Variants in KRT82 observed in about 807,000 individuals in gnomAD.
KRT82 encodes the protein keratin, type II cuticular Hb2.
In KRT82, 44 loss-of-function variants were observed where a neutral mutation model predicts 48.0. That is an observed-to-expected ratio of 0.92 (90% CI 0.72 to 1.18). The LOEUF (loss-of-function observed/expected upper bound fraction) is 1.18, where lower values mean the gene tolerates loss of function less well. Among genes scored for constraint, KRT82 ranks in the 50% most tolerant of loss-of-function variants. KRT82 has a pLI of 0.00. For synonymous variants in KRT82, 297 were observed against 278.3 expected (o/e 1.07, Z -0.67); for missense variants, 701 against 671.4 (o/e 1.04, Z -0.49).
rs559660832 is a variant in KRT82 at position 52,401,231 on chromosome 12, T to A, written c.681+58A>T. On this transcript the variant is annotated intron_variant, in intron 3 of 8. Transcript: ENST00000257974. ...CGTTTGGACTGAGTTCAGGGCTAGG[T>A]GGCCTGGGGCAACGCAGGCCAGCTC... 1.1e-5 allele frequency: 16 copies of A among 1,465,022 alleles called. No homozygotes were observed. The Admixed American group carries it at 2.7e-4, about 25-fold the overall frequency. 90.8% of individuals were successfully genotyped at this position (1,465,022 alleles called of 1,614,324 possible).
rs368220321 is a variant in KRT82 at position 52,401,364 on chromosome 12, A to G, written c.621-15T>C. On this transcript the variant is annotated splice_polypyrimidine_tract_variant and intron_variant, in intron 2 of 8. Transcript: ENST00000257974. ...CCTCTTCGTATCTGATGGAAAAGGC[A>G]GGAAAAAATGCTTTAGTCGGGCTTG... 7 of 1,613,656 alleles carry G rather than the reference A, an allele frequency of 4.3e-6. No individual in the cohort carries two copies. The African/African-American group carries it at 5.3e-5, about 12-fold the overall frequency.
chr12:52,395,627 A>C, intron 8 of KRT82, 132 bp downstream of exon 8: 1 of 665,530 alleles, frequency 1.5e-6, no homozygotes, highest in South Asian at 2.0e-5. Context: ...CTGGGAGCTC[A>C]CGGCAGACAG....
chr12:52,394,844 A>G lies in KRT82; in HGVS notation c.*131T>C, dbSNP rs551549739. Reference sequence around the variant, plus strand: ...GGGCAGCTCAGCTCTCAAGGAGGGAACACTGGAGGGGAATGTGGAGTCAAT... The same window carrying G: ...GGGCAGCTCAGCTCTCAAGGAGGGAGCACTGGAGGGGAATGTGGAGTCAAT... On this transcript the variant is annotated 3_prime_UTR_variant, in exon 9 of 9. Transcript: ENST00000257974. The G allele has an allele frequency of 2.6e-6, 2 of 767,882 alleles. No individual in the cohort carries two copies. Among genetic ancestry groups the G allele is most frequent in the East Asian group, 2.6e-5 (1 of 38,040 alleles). 47.6% of individuals were successfully genotyped at this position (767,882 alleles called of 1,614,324 possible).
At chr12:52,398,510 C>A (rs1444815246) in intron 5 of KRT82, among the ~76,000 whole-genome samples, 1 of 149,576 alleles carries the variant, frequency 6.7e-6, no homozygotes, top group Non-Finnish European at 1.5e-5. Context: ...AATTTCTGAT[C>A]CTGGTAGCCA....
intron 5 of KRT82, among the ~76,000 whole-genome samples, chr12:52,398,635 C>T (rs929826857): frequency 6.6e-6 from 1 of 152,082 alleles, no homozygotes; most frequent in African/African-American, 2.4e-5. Context: ...CAGGGGCAAC[C>T]AGAGGAAGGG....
intron 5 of KRT82, among the ~76,000 whole-genome samples, chr12:52,397,404 G>T (rs1939730254): frequency 6.6e-6 from 1 of 152,156 alleles, no homozygotes; most frequent in South Asian, 2.1e-4. Context: ...ACAGACCAAG[G>T]ACTGCCCATT....
rs536478336 is a variant in KRT82 at position 52,406,165 on chromosome 12, C to T, written c.113G>A (p.Cys38Tyr). ...GAGGCCCCTACCACCCCCGGGCCGG[C>T]ATGGCCCCTTGCTCACTGCATAGTG... ...VTHYAVSKGP[C>Y]RPGGGRGLRA... Residue 38 changes from cysteine to tyrosine, a missense_variant, in exon 1 of 9, where the codon TGC becomes TAC. Physicochemically the swap from Cys to Tyr is radical, Grantham distance 194. Coordinates refer to ENST00000257974, the MANE Select transcript of KRT82 (RefSeq NM_033033.4). 3.1e-6 allele frequency: 5 copies of T among 1,613,376 alleles called. No homozygotes were observed. In the South Asian group the frequency reaches 5.5e-5, roughly 18 times the overall value.
At chr12:52,404,047 C>T (rs898638158) in intron 1 of KRT82, 138 bp from the exon 2 acceptor site, 1 of 703,734 alleles carries the variant, frequency 1.4e-6, no homozygotes, top group Admixed American at 2.6e-5. Flanking sequence ...ATCAGGGTCT[C>T]TGCATAGACT....
rs1352937383 is a variant in KRT82, at chr12:52,394,061, ACCT to A, written c.*911_*913del. 1 of 152,046 alleles carries A rather than the reference ACCT, an allele frequency of 6.6e-6. No individual in the cohort carries two copies. Among genetic ancestry groups the A allele is most frequent in the East Asian group, 1.9e-4 (1 of 5,180 alleles). The allele number at this position is 152,046 out of a possible 1,614,324, so 9.4% of individuals were successfully genotyped here. On this transcript the variant is annotated 3_prime_UTR_variant, in exon 9 of 9. Transcript: ENST00000257974. Reference sequence around the variant, plus strand: ...GGCTTCTGGGAGGTAGTCAGCCCACACCTCCTCCATCTATGAGCTCCTGAGCCA... The same window carrying A: ...GGCTTCTGGGAGGTAGTCAGCCCACACCTCCATCTATGAGCTCCTGAGCCA...
intron 2 of KRT82, among the ~76,000 whole-genome samples, chr12:52,403,268 A>T (rs555212334): frequency 7.9e-5 from 12 of 152,280 alleles, no homozygotes; most frequent in African/African-American, 2.6e-4. Context: ...GGTAGCTTGG[A>T]CATGGAGCAG....
At chr12:52,405,799 A>G in intron 1 of KRT82, 68 bp downstream of exon 1, 1 of 1,491,144 alleles carries the variant, frequency 6.7e-7, no homozygotes, top group Non-Finnish European at 9.0e-7. Context: ...GTTCCCTTGG[A>G]CCAGAACAAG....
chr12:52,405,714 C>G (rs1211057839), intron 1 of KRT82, among the ~76,000 whole-genome samples, 153 bp downstream of exon 1: 1 of 152,228 alleles, frequency 6.6e-6, no homozygotes, highest in Admixed American at 6.5e-5. Flanking sequence ...AACTGGCTTT[C>G]AAAGGCTGGT....
Position 52,400,146 on chromosome 12 carries a change from T to C in KRT82, c.781A>G (p.Ile261Val). Residue 261 changes from isoleucine (I) to valine (V), a missense_variant, in exon 5 of 9, where the codon ATC (isoleucine) becomes GTC (valine). Transcript: ENST00000257974. ...GAGATCTGAGACTGGAGCAGGCAGA[T>C]CTCCTGGGGGCAGGGCCCATGTGAG... ...DFLKSLYEEE[I>V]CLLQSQISET... is the part of the protein sequence containing the mutation. 1 of 1,612,860 alleles carries C rather than the reference T, an allele frequency of 6.2e-7. No homozygotes were observed. Among genetic ancestry groups the C allele is most frequent in the Non-Finnish European group, 8.5e-7 (1 of 1,179,088 alleles).
Position 52,400,418 on chromosome 12 carries a change from C to T in KRT82, c.777+109G>A, listed in dbSNP as rs545222901. 148 of 874,410 alleles carry T rather than the reference C, an allele frequency of 1.7e-4. 1 individual carries two copies. The African/African-American group carries it at 1.9e-3, about 12-fold the overall frequency. The allele number at this position is 874,410 out of a possible 1,614,324, so 54.2% of individuals were successfully genotyped here. On this transcript the variant is annotated intron_variant, in intron 4 of 8. Coordinates refer to ENST00000257974, the MANE Select transcript of KRT82 (RefSeq NM_033033.4). ...CTGAGAACGTCTCTACAGTGCGGAC[C>T]TCTTTCCATGCTTGCCCTGAAATGT... is the stretch of plus-strand genomic sequence containing the variant.
rs1565782445 is a variant in KRT82 at position 52,400,570 on chromosome 12, GC to G, written c.733del (p.Ala245HisfsTer9). ...MKADLETNAE[A>X]LVQEIDFLKS... ...CAGGAAGTCGATCTCCTGCACGAGTGCCTCTGCGTTGGTCTCCAGGTCAGCC... is the reference window on the plus strand; with the variant it reads ...CAGGAAGTCGATCTCCTGCACGAGTGCTCTGCGTTGGTCTCCAGGTCAGCC... On this transcript the variant is annotated frameshift_variant, in exon 4 of 9. Transcript: ENST00000257974. LOFTEE classifies it high-confidence loss of function. 2.5e-6 allele frequency: 4 copies of G among 1,614,090 alleles called. No individual in the cohort carries two copies. The highest frequency in any genetic ancestry group is 3.4e-6 in the Non-Finnish European group (4 of 1,179,942).
rs372445184 is a variant in KRT82 at position 52,396,232 on chromosome 12, G to A, written c.1069C>T (p.Arg357Cys). The A allele has an allele frequency of 2.2e-5, 35 of 1,610,788 alleles. No homozygotes were observed. Among genetic ancestry groups the A allele is most frequent in the East Asian group, 6.7e-5 (3 of 44,870 alleles). Residue 357 changes from arginine (R) to cysteine (C), a missense_variant and splice_region_variant, in exon 7 of 9, where the codon CGC (arginine) becomes TGC (cysteine). Arg to Cys is a radical substitution (Grantham distance 180). Coordinates refer to ENST00000257974, the MANE Select transcript of KRT82 (RefSeq NM_033033.4). The stretch of plus-strand genomic sequence containing the variant: ...GCTATGGCACCCTCAAGTTTGCAGC[G>A]CTGTGGGAGGGGCGCAGAAAAGCAT... ...QQETENVKAQ[R>C]CKLEGAIAEA...
chr12:52,400,099 C>T lies in KRT82; in HGVS notation c.828G>A (p.Lys276=). Residue 276 remains lysine, a synonymous_variant, in exon 5 of 9, where the codon AAG becomes AAA. Transcript: ENST00000257974. Reference sequence around the variant, plus strand: ...CGTCCAGCTCCCGGCTGTTGTCCATCTTCACAATGACCGAGGTCTCAGAGA... The same window carrying T: ...CGTCCAGCTCCCGGCTGTTGTCCATTTTCACAATGACCGAGGTCTCAGAGA... ...SQISETSVIV[K]MDNSRELDVD... is the part of the protein sequence containing the mutation. 6.2e-7 allele frequency: 1 copy of T among 1,614,154 alleles called. No homozygotes were observed. The highest frequency in any genetic ancestry group is 2.2e-5 in the East Asian group (1 of 44,882).
intron 4 of KRT82, 102 bp from the exon 5 acceptor site, chr12:52,400,251 A>G: frequency 8.4e-7 from 1 of 1,189,818 alleles, no homozygotes; most frequent in East Asian, 2.4e-5. Flanking sequence ...AGTGCATAGA[A>G]CTCTGCTATG....
At position 52,406,153 on chromosome 12, in the gene KRT82, C is replaced by A. The variant is rs762510631; in HGVS notation, c.125G>T (p.Gly42Val). The change falls in exon 1 of 9, where the codon GGT becomes GTT. Residue 42 changes from glycine to valine, a missense_variant. Transcript: ENST00000257974. ...GCCCAGAGCTCGGAGGCCCCTACCA[C>A]CCCCGGGCCGGCATGGCCCCTTGCT... Reference protein sequence around the residue: ...AVSKGPCRPGGGRGLRALGCL... With the variant: ...AVSKGPCRPGVGRGLRALGCL... The A allele has an allele frequency of 1.2e-6, 2 of 1,613,082 alleles. No individual in the cohort carries two copies. The highest frequency in any genetic ancestry group is 1.7e-6 in the Non-Finnish European group (2 of 1,179,850).
Sources: gnomAD v4.1 joint callset for allele counts (sites outside exome capture counted in the v4.1 genomes callset) on GRCh38, gnomAD v4.1.1 for gene constraint, MANE v1.5 for transcripts, NCBI Gene and HGNC (gene_info 2026-07-23, HGNC 2026-07-21) for gene names.